Variants in TBC1D5 observed in about 807,000 individuals in gnomAD.
TBC1D5 encodes the protein TBC1 domain family, member 5.
TBC1D5 carries 75 observed loss-of-function variants against 100.3 expected under a neutral mutation model. That is an observed-to-expected ratio of 0.75 (90% CI 0.62 to 0.91). The LOEUF is 0.91. Among genes scored for constraint, TBC1D5 ranks in the 40% least tolerant of loss-of-function variants. TBC1D5 has a pLI of 0.00. For missense variants in TBC1D5, 910 were observed against 942.4 expected, an observed-to-expected ratio of 0.97 and a Z score of 0.45; for synonymous variants, 323 against 325.6, an observed-to-expected ratio of 0.99 and a Z score of 0.09.
intron 2 of TBC1D5, among the ~76,000 whole-genome samples, chr3:17,579,338 T>A (rs1480849627): frequency 1.3e-5 from 2 of 152,068 alleles, no homozygotes. Context: ...AATACAGCCA[T>A]CTTTCAATTA....
chr3:17,476,038 T>A (rs1194807402), intron 3 of TBC1D5, among the ~76,000 whole-genome samples: 3 of 152,066 alleles, frequency 2.0e-5, no homozygotes, highest in Non-Finnish European at 2.9e-5. Context: ...ATATAGGCCT[T>A]TTTCATGCCA....
chr3:17,730,237 TTAAG>T (rs199658845), intron 1 of TBC1D5, among the ~76,000 whole-genome samples: 1 of 152,038 alleles, frequency 6.6e-6, no homozygotes. Context: ...GTGTAGCAAA[TTAAG>T]TAAAGTTGCA....
rs540260634 is a variant in TBC1D5 at position 17,549,079 on chromosome 3, C to T, written c.-35-40474G>A. 3.3e-5 allele frequency among the ~76,000 whole-genome samples: 5 copies of T among 150,316 alleles called. No individual in the cohort carries two copies. The South Asian group carries it at 1.0e-3, about 31-fold the overall frequency. On this transcript the variant is annotated intron_variant, in intron 2 of 21. Coordinates refer to ENST00000253692, the Ensembl canonical transcript of TBC1D5. ...TTGGGAGGCGGAGGCAGGTGGATCACCTGAGGTCAGGAGTTAGAGACCAGC... is the reference window on the plus strand; with the variant it reads ...TTGGGAGGCGGAGGCAGGTGGATCATCTGAGGTCAGGAGTTAGAGACCAGC...
At chr3:17,453,559 T>C (rs1320988101) in intron 3 of TBC1D5, among the ~76,000 whole-genome samples, 1 of 152,140 alleles carries the variant, frequency 6.6e-6, no homozygotes, top group African/African-American at 2.4e-5. Context: ...CTAGAGGAAA[T>C]GTTTAAATTC....
chr3:17,222,762 C>A (rs2074424755), intron 17 of TBC1D5, among the ~76,000 whole-genome samples: 2 of 151,434 alleles, frequency 1.3e-5, no homozygotes, highest in South Asian at 4.2e-4. Context: ...TATCTCTAGG[C>A]CAGTATCTTT....
chr3:17,718,760 C>T (rs752503146), intron 1 of TBC1D5, among the ~76,000 whole-genome samples: 35 of 152,120 alleles, frequency 2.3e-4, no homozygotes, highest in Non-Finnish European at 4.0e-4. Flanking sequence ...TTCCCCAATG[C>T]TCCTCCTCCA....
intron 3 of TBC1D5, among the ~76,000 whole-genome samples, chr3:17,443,334 T>G (rs1249042192): frequency 6.6e-6 from 1 of 152,194 alleles, no homozygotes; most frequent in East Asian, 1.9e-4. Context: ...GGCTCTAGAT[T>G]GACACCAAGT....
chr3:17,680,354 G>C (rs1200167124), intron 1 of TBC1D5, among the ~76,000 whole-genome samples: 2 of 150,320 alleles, frequency 1.3e-5, no homozygotes, highest in African/African-American at 5.0e-5. Context: ...TCCTCAGCAT[G>C]GGACCACAGG....
intron 1 of TBC1D5, chr3:17,700,071 C>A (rs1239906792): frequency 6.6e-6 from 1 of 151,934 alleles, no homozygotes; most frequent in East Asian, 1.9e-4. Flanking sequence ...GTTCTAAAGC[C>A]CCACCTTCTT....
At chr3:17,396,695 A>G (rs1217066428) in intron 8 of TBC1D5, among the ~76,000 whole-genome samples, 1 of 151,126 alleles carries the variant, frequency 6.6e-6, no homozygotes, top group Non-Finnish European at 1.5e-5. Context: ...ATGTAACATA[A>G]TAACTACATT....
chr3:17,730,938 CATA>C (rs1421393611), intron 1 of TBC1D5, among the ~76,000 whole-genome samples: 5 of 151,742 alleles, frequency 3.3e-5, no homozygotes, highest in African/African-American at 4.8e-5. Flanking sequence ...ATTCATAATT[CATA>C]ATATTTATGT....
Position 17,374,611 on chromosome 3 carries a change from G to GA in TBC1D5, c.752+17dup. 1 of 1,609,870 alleles carries GA rather than the reference G, an allele frequency of 6.2e-7. No homozygotes were observed. The highest frequency in any genetic ancestry group is 8.5e-7 in the Non-Finnish European group (1 of 1,178,456). Reference sequence around the variant, plus strand: ...TGATGGTATAAAAAAATAAAACAAAGAAAGTTTTTGTACTTACTAGGCATC... The same window carrying GA: ...TGATGGTATAAAAAAATAAAACAAAGAAAAGTTTTTGTACTTACTAGGCATC... On this transcript the variant is annotated intron_variant, in intron 11 of 21. Transcript: ENST00000253692.
intron 17 of TBC1D5, 51 bp from the exon 18 acceptor site, chr3:17,233,801 A>T (rs1447095376): frequency 4.1e-6 from 5 of 1,219,414 alleles, no homozygotes; most frequent in Non-Finnish European, 5.8e-6. Context: ...GAAATAATCA[A>T]CTTCACTTTT....
chr3:17,605,517 T>C (rs1280905374), intron 2 of TBC1D5, among the ~76,000 whole-genome samples: 2 of 152,304 alleles, frequency 1.3e-5, no homozygotes, highest in East Asian at 1.9e-4. Context: ...AATTTAATCA[T>C]CCCACAAACG....
intron 3 of TBC1D5, among the ~76,000 whole-genome samples, chr3:17,430,103 A>G (rs2094420985): frequency 6.6e-6 from 1 of 151,732 alleles, no homozygotes; most frequent in Non-Finnish European, 1.5e-5. Flanking sequence ...TTTTCTTTTA[A>G]AAATTAATAA....
At chr3:17,439,511 C>A (rs1321826198) in intron 3 of TBC1D5, among the ~76,000 whole-genome samples, 1 of 151,982 alleles carries the variant, frequency 6.6e-6, no homozygotes, top group East Asian at 1.9e-4. Context: ...TAAAACGTTA[C>A]TGATTAGTAT....
intron 1 of TBC1D5, chr3:17,663,231 T>G (rs2066844129): frequency 6.6e-6 from 1 of 151,708 alleles, no homozygotes; most frequent in African/African-American, 2.4e-5. Flanking sequence ...AGATGAAAAT[T>G]TTTATGTAGA....
At chr3:17,298,529 C>CT (rs2150315695) in intron 14 of TBC1D5, among the ~76,000 whole-genome samples, 1 of 152,214 alleles carries the variant, frequency 6.6e-6, no homozygotes, top group South Asian at 2.1e-4. Context: ...CAAAGGCAGA[C>CT]ACTGAGTGGC....
intron 13 of TBC1D5, among the ~76,000 whole-genome samples, chr3:17,351,331 A>G (rs555025875): frequency 6.6e-6 from 1 of 152,184 alleles, no homozygotes; most frequent in African/African-American, 2.4e-5. Context: ...GAACCAACCC[A>G]AATGCCCTTC....
Sources: allele counts gnomAD v4.1 joint callset (sites outside exome capture counted in the v4.1 genomes callset), GRCh38; gene constraint gnomAD v4.1.1; transcripts MANE v1.5; gene names NCBI Gene and HGNC (gene_info 2026-07-23, HGNC 2026-07-21).